Variants in ARHGEF12 observed in about 807,000 individuals in gnomAD.
ARHGEF12 encodes the protein KMT2A/ARHGEF12 fusion protein.
In ARHGEF12, 66 loss-of-function variants were observed where a neutral mutation model predicts 211.2. The observed-to-expected ratio is 0.31, with a 90% CI of 0.26 to 0.38. The LOEUF is 0.38. ARHGEF12 is among the 10% of genes least tolerant of loss of function. The pLI is 1.00. For missense variants in ARHGEF12, 1,429 were observed against 1,869.5 expected (o/e 0.76, Z 4.34); for synonymous variants, 592 against 638.4 (o/e 0.93, Z 1.09).
chr11:120,438,522 T>A (rs1945767000), intron 12 of ARHGEF12: 1 of 152,158 alleles, frequency 6.6e-6, no homozygotes, highest in African/African-American at 2.4e-5. Flanking sequence ...GGCAGAATTG[T>A]GTTTAGGAGA....
chr11:120,385,842 T>C (rs1326246610), intron 1 of ARHGEF12, among the ~76,000 whole-genome samples: 1 of 152,192 alleles, frequency 6.6e-6, no homozygotes, highest in African/African-American at 2.4e-5. Flanking sequence ...TAACCTCTCT[T>C]GAATCTTAGA....
At chr11:120,482,719 TG>T (rs1328498017) in intron 39 of ARHGEF12, among the ~76,000 whole-genome samples, 1 of 148,994 alleles carries the variant, frequency 6.7e-6, no homozygotes, top group Non-Finnish European at 1.5e-5. Flanking sequence ...CACTCCAACC[TG>T]GGTGACAGAG....
intron 6 of ARHGEF12, among the ~76,000 whole-genome samples, chr11:120,423,803 G>T (rs1377719691): frequency 6.6e-6 from 1 of 152,058 alleles, no homozygotes; most frequent in Non-Finnish European, 1.5e-5. Context: ...GAATTAATCA[G>T]AAAATTAATG....
intron 1 of ARHGEF12, among the ~76,000 whole-genome samples, chr11:120,360,568 T>TTTTTGAGATGAAA (rs1943250859): frequency 6.6e-6 from 1 of 152,028 alleles, no homozygotes; most frequent in Non-Finnish European, 1.5e-5. Flanking sequence ...ATTTTTGTAT[T>TTTTTGAGATGAAA]TTTTGTAGAG....
chr11:120,391,687 AAAAAC>A (rs1944222102), intron 1 of ARHGEF12, among the ~76,000 whole-genome samples: 2 of 152,228 alleles, frequency 1.3e-5, no homozygotes, highest in Non-Finnish European at 2.9e-5. Context: ...TTATGCTTTA[AAAAAC>A]AAAACAAAAA....
At chr11:120,471,804 C>T (rs574468422) in intron 30 of ARHGEF12, among the ~76,000 whole-genome samples, 2 of 152,058 alleles carry the variant, frequency 1.3e-5, no homozygotes, top group African/African-American at 4.8e-5. Context: ...TATAGGTGTT[C>T]ACTATGCTCA....
At chr11:120,445,332 A>G (rs1946011520) in intron 15 of ARHGEF12, 90 bp from the exon 16 acceptor site, 1 of 1,310,898 alleles carries the variant, frequency 7.6e-7, no homozygotes, top group African/African-American at 1.4e-5. Context: ...GTGGGTATCC[A>G]AGTTGTATCC....
rs143487914 is a variant in ARHGEF12, at chr11:120,480,520, G to GGTGT, written c.4237+107_4237+110dup. ...GAAATGGATGTTGTATTGGTATCCA[G>GGTGT]GTGTGTGTGTGTGTGTGTGTTCACA... is the stretch of plus-strand genomic sequence containing the variant. On this transcript the variant is annotated intron_variant, in intron 38 of 40. Coordinates refer to ENST00000397843, the MANE Select transcript of ARHGEF12 (RefSeq NM_015313.3). The GGTGT allele has an allele frequency of 7.7e-4, 801 of 1,039,710 alleles. 1 individual carries two copies. Among genetic ancestry groups the GGTGT allele is most frequent in the African/African-American group, 1.6e-3 (96 of 61,716 alleles). The allele number at this position is 1,039,710 out of a possible 1,614,324, so 64.4% of individuals were successfully genotyped here.
intron 1 of ARHGEF12, among the ~76,000 whole-genome samples, chr11:120,402,527 A>G (rs1169882140): frequency 6.6e-6 from 1 of 152,228 alleles, no homozygotes; most frequent in East Asian, 1.9e-4. Context: ...TTGACTGCTA[A>G]TAAAATCTTA....
chr11:120,477,509 C>T lies in ARHGEF12; in HGVS notation c.3515C>T (p.Thr1172Ile). The T allele has an allele frequency of 6.2e-7, 1 of 1,610,162 alleles. No homozygotes were observed. ...GAGGAGCAGCATGGCATTTCAGTCACTGGTTTGCAGAGTCCAGGTACACTC... is the reference window on the plus strand; with the variant it reads ...GAGGAGCAGCATGGCATTTCAGTCATTGGTTTGCAGAGTCCAGGTACACTC... Reference protein sequence around the residue: ...LKEEQHGISVTGLQSPDRDLG... With the variant: ...LKEEQHGISVIGLQSPDRDLG... Residue 1172 changes from threonine to isoleucine, a missense_variant, in exon 36 of 41, where the codon ACT becomes ATT. Physicochemically the swap from Thr to Ile is moderately conservative, Grantham distance 89. Around this residue, in one of 7 missense-constraint regions of ARHGEF12, gnomAD observed 467 missense variants for 468.4 expected, o/e 1.00. Coordinates refer to ENST00000397843, the MANE Select transcript of ARHGEF12 (RefSeq NM_015313.3).
rs1591482347 is a variant in ARHGEF12 at position 120,347,154 on chromosome 11, TCCTTCCTTCCTTCCTTCCTTCCTTC to T, written c.32+9881_32+9905del. Among the ~76,000 whole-genome samples the T allele has an allele frequency of 4.7e-3, 478 of 102,756 alleles. 32 individuals carry two copies. Among genetic ancestry groups the T allele is most frequent in the Middle Eastern group, 0.028 (6 of 212 alleles). 67.4% of individuals were successfully genotyped at this position (102,756 alleles called of 152,430 possible). On this transcript the variant is annotated intron_variant, in intron 1 of 40. Coordinates refer to ENST00000397843, the MANE Select transcript of ARHGEF12 (RefSeq NM_015313.3). Reference sequence around the variant, plus strand: ...TTCTTTCCTTCCTTCCTTCCTTCCTTCCTTCCTTCCTTCCTTCCTTCCTTCCTTCCTTTCTTTCTTTCTTTCTTTC... The same window carrying T: ...TTCTTTCCTTCCTTCCTTCCTTCCTTCTTCCTTTCTTTCTTTCTTTCTTTC...
At chr11:120,446,926 G>A (rs1946064031) in intron 17 of ARHGEF12, 22 bp from the exon 18 acceptor site, 1 of 1,607,430 alleles carries the variant, frequency 6.2e-7, no homozygotes. Flanking sequence ...GCTACCTCAG[G>A]AAACTTCTCT....
intron 33 of ARHGEF12, 31 bp downstream of exon 33, chr11:120,475,538 C>A: frequency 6.2e-7 from 1 of 1,604,196 alleles, no homozygotes; most frequent in Non-Finnish European, 8.5e-7. Flanking sequence ...ATACTAATTT[C>A]CAGATTCATT....
At chr11:120,409,798 C>CA (rs1319822934) in intron 4 of ARHGEF12, 2 of 188,864 alleles carry the variant, frequency 1.1e-5, no homozygotes, top group African/African-American at 4.7e-5. Flanking sequence ...CTTCTTCCCA[C>CA]ATCTCATTTG....
chr11:120,470,166 A>T (rs757653357), intron 30 of ARHGEF12, among the ~76,000 whole-genome samples: 1 of 152,262 alleles, frequency 6.6e-6, no homozygotes, highest in East Asian at 1.9e-4. Context: ...GTAGGAATTC[A>T]GCATAGACAA....
intron 1 of ARHGEF12, among the ~76,000 whole-genome samples, chr11:120,360,180 G>A (rs1189430791): frequency 6.6e-6 from 1 of 152,148 alleles, no homozygotes; most frequent in African/African-American, 2.4e-5. Context: ...ACACTGCTAG[G>A]ATATGAAGTT....
At chr11:120,454,852 C>T (rs1310452298) in intron 22 of ARHGEF12, among the ~76,000 whole-genome samples, 1 of 152,198 alleles carries the variant, frequency 6.6e-6, no homozygotes, top group Non-Finnish European at 1.5e-5. Context: ...AAGGAAGCCC[C>T]AATGTCTTTT....
chr11:120,340,828 G>C (rs931381760), intron 1 of ARHGEF12, among the ~76,000 whole-genome samples: 1 of 152,150 alleles, frequency 6.6e-6, no homozygotes, highest in Non-Finnish European at 1.5e-5. Context: ...GTATGCAATA[G>C]TACATTCACT....
intron 27 of ARHGEF12, 146 bp downstream of exon 27, chr11:120,460,903 A>G (rs1946505567): frequency 2.9e-6 from 2 of 696,508 alleles, no homozygotes; most frequent in South Asian, 1.9e-5. Flanking sequence ...AGTAGATTCC[A>G]TTTCAAGAAA....
Sources: allele counts gnomAD v4.1 joint callset (sites outside exome capture counted in the v4.1 genomes callset), GRCh38; gene constraint gnomAD v4.1.1; regional missense constraint gnomAD v4.1.1; transcripts MANE v1.5; gene names NCBI Gene and HGNC (gene_info 2026-07-23, HGNC 2026-07-21).